MYO1D: variants seen among roughly 807,000 people sequenced by gnomAD.
MYO1D encodes the protein unconventional myosin-Id.
In MYO1D, 83 loss-of-function variants were observed where a neutral mutation model predicts 122.0. That is an observed-to-expected ratio of 0.68 (90% CI 0.57 to 0.82). The LOEUF is 0.82. Among genes scored for constraint, MYO1D ranks in the 40% least tolerant of loss-of-function variants. The probability of loss-of-function intolerance (pLI) is 0.00; values close to 1 mark genes in which losing one functional copy is unlikely to be tolerated. For missense variants in MYO1D, 1,157 were observed against 1,269.5 expected, an observed-to-expected ratio of 0.91 and a Z score of 1.35; for synonymous variants, 464 against 446.9, an observed-to-expected ratio of 1.04 and a Z score of -0.48.
chr17:32,794,930 A>G (rs2057694041), intron 1 of MYO1D, among the ~76,000 whole-genome samples: 2 of 152,146 alleles, frequency 1.3e-5, no homozygotes, highest in Admixed American at 6.5e-5. Context: ...TCAGGAAGGA[A>G]TGACGGGTTC....
chr17:32,552,058 G>A (rs146847892), intron 21 of MYO1D, among the ~76,000 whole-genome samples: 70 of 152,242 alleles, frequency 4.6e-4, no homozygotes, highest in African/African-American at 1.6e-3. Flanking sequence ...TTGCAGTCAA[G>A]CTTTACTTAT....
At chr17:32,558,362 C>A (rs556726103) in intron 21 of MYO1D, among the ~76,000 whole-genome samples, 1 of 152,300 alleles carries the variant, frequency 6.6e-6, no homozygotes, top group South Asian at 2.1e-4. Context: ...GAAGAGTGTT[C>A]TTTGAAGTTT....
chr17:32,729,279 A>G (rs937712366), intron 14 of MYO1D, among the ~76,000 whole-genome samples: 14 of 152,228 alleles, frequency 9.2e-5, no homozygotes, highest in African/African-American at 2.9e-4. Context: ...ACACTGTCAA[A>G]TAGTCATAGC....
intron 11 of MYO1D, among the ~76,000 whole-genome samples, chr17:32,752,700 T>C (rs1033773632): frequency 1.1e-4 from 16 of 152,088 alleles, no homozygotes; most frequent in Admixed American, 6.5e-4. Context: ...CAGAGAAATA[T>C]AAATTGAAAC....
chr17:32,623,815 C>T (rs2087885581), intron 20 of MYO1D, among the ~76,000 whole-genome samples: 1 of 152,138 alleles, frequency 6.6e-6, no homozygotes, highest in Non-Finnish European at 1.5e-5. Flanking sequence ...TGCAGACTGC[C>T]AACTTCTCGT....
intron 1 of MYO1D, among the ~76,000 whole-genome samples, chr17:32,846,472 T>A (rs2090938664): frequency 6.6e-6 from 1 of 152,190 alleles, no homozygotes; most frequent in African/African-American, 2.4e-5. Flanking sequence ...TCTAGGTACA[T>A]TCTGAGGTTA....
rs142902127 is a variant in MYO1D at position 32,841,866 on chromosome 17, G to C, written c.95+34912C>G. On this transcript the variant is annotated intron_variant, in intron 1 of 21. Transcript: ENST00000318217. ...TCAGGTCTGCAGGGTATTTCTCTGG[G>C]AAGCAGGAAGGTGATGCAGGAGACA... 1.3e-3 allele frequency among the ~76,000 whole-genome samples: 195 copies of C among 152,252 alleles called. 2 individuals are homozygous for C. In the East Asian group the frequency reaches 0.031, roughly 24 times the overall value.
chr17:32,553,097 A>T (rs1413310956), intron 21 of MYO1D, among the ~76,000 whole-genome samples: 1 of 121,016 alleles, frequency 8.3e-6, no homozygotes, highest in African/African-American at 4.1e-5. Flanking sequence ...AAAACAAAAA[A>T]CAAAACAAAA....
At chr17:32,809,766 C>T (rs1598116849) in intron 1 of MYO1D, among the ~76,000 whole-genome samples, 1 of 152,168 alleles carries the variant, frequency 6.6e-6, no homozygotes, top group Non-Finnish European at 1.5e-5. Context: ...ATAAGGGGCA[C>T]TCATGCAGAG....
chr17:32,863,855 A>C (rs2091098821), intron 1 of MYO1D, among the ~76,000 whole-genome samples: 1 of 152,126 alleles, frequency 6.6e-6, no homozygotes, highest in Non-Finnish European at 1.5e-5. Flanking sequence ...TGAGCCATTA[A>C]AGGCTCAGAG....
intron 20 of MYO1D, among the ~76,000 whole-genome samples, chr17:32,629,137 G>A (rs1271380397): frequency 6.7e-6 from 1 of 148,302 alleles, no homozygotes; most frequent in East Asian, 2.0e-4. Context: ...GCTACATTCT[G>A]TATGATTCTA....
chr17:32,522,977 C>T (rs1223168926), intron 21 of MYO1D, among the ~76,000 whole-genome samples: 5 of 152,104 alleles, frequency 3.3e-5, no homozygotes, highest in East Asian at 1.9e-4. Flanking sequence ...CCACCATGCC[C>T]GGCTAGTTTT....
chr17:32,591,428 CA>C (rs1486957247), intron 21 of MYO1D, among the ~76,000 whole-genome samples: 1 of 152,080 alleles, frequency 6.6e-6, no homozygotes, highest in Non-Finnish European at 1.5e-5. Context: ...AATTAAAAAC[CA>C]TTGCTTAGAA....
chr17:32,515,526 A>C (rs1909860344), intron 21 of MYO1D, among the ~76,000 whole-genome samples: 1 of 152,160 alleles, frequency 6.6e-6, no homozygotes, highest in Non-Finnish European at 1.5e-5. Flanking sequence ...TCCTAGGCTC[A>C]AGCAATCCTC....
chr17:32,538,467 TTA>T (rs200489728), intron 21 of MYO1D, among the ~76,000 whole-genome samples: 19,995 of 140,548 alleles, frequency 0.14, 1,391 homozygotes, highest in Middle Eastern at 0.21. Context: ...ATTATTATTA[TTA>T]TTTTTTTTTT....
At chr17:32,800,108 C>A (rs1227320467) in intron 1 of MYO1D, among the ~76,000 whole-genome samples, 2 of 152,106 alleles carry the variant, frequency 1.3e-5, no homozygotes, top group Non-Finnish European at 2.9e-5. Flanking sequence ...ATTATACAGC[C>A]ATTTTGGAAG....
In MYO1D at chr17:32,780,643, A is replaced by G; in HGVS notation, c.237T>C (p.Phe79=). ...CCTTGTAAGCAGCATCCGCAATAGC[A>G]AAAAGGTGAGGCGGTCTCTCATACA... is the stretch of plus-strand genomic sequence containing the variant. ...RELYERPPHL[F]AIADAAYKAM... The change falls in exon 2 of 22, where the codon TTT becomes TTC. Residue 79 remains phenylalanine, a synonymous_variant. Transcript: ENST00000318217. The G allele has an allele frequency of 6.2e-7, 1 of 1,614,148 alleles. No homozygotes were observed. Among genetic ancestry groups the G allele is most frequent in the African/African-American group, 1.3e-5 (1 of 75,006 alleles).
chr17:32,820,581 C>G (rs969344168), intron 1 of MYO1D, among the ~76,000 whole-genome samples: 10 of 152,064 alleles, frequency 6.6e-5, no homozygotes, highest in South Asian at 6.2e-4. Context: ...AAGTTGAACT[C>G]AAGGAAAAAG....
rs940177657 is a variant in MYO1D at position 32,615,268 on chromosome 17, A to C, written c.2710-10027T>G. ...GGAATCATGGCAGGCCTTCAAGAGG[A>C]GGTCAGTGAGGGCCTGAGGAAAACA... On this transcript the variant is annotated intron_variant, in intron 20 of 21. Transcript: ENST00000318217. Among the ~76,000 whole-genome samples, 4 of 152,178 alleles carry C rather than the reference A, an allele frequency of 2.6e-5. No individual in the cohort carries two copies. The South Asian group carries it at 6.2e-4, about 24-fold the overall frequency.
Sources: gnomAD v4.1 joint callset for allele counts (sites outside exome capture counted in the v4.1 genomes callset) on GRCh38, gnomAD v4.1.1 for gene constraint, MANE v1.5 for transcripts, NCBI Gene and HGNC (gene_info 2026-07-23, HGNC 2026-07-21) for gene names.